The following COLEC11 variants were observed in gnomAD, a reference collection of about 807,000 sequenced individuals.
COLEC11 encodes collectin-11.
COLEC11 carries 20 observed loss-of-function variants against 27.3 expected under a neutral mutation model. That is an observed-to-expected ratio of 0.73 (90% confidence interval 0.51 to 1.06). The LOEUF (loss-of-function observed/expected upper bound fraction) is 1.06, where lower values mean the gene tolerates loss of function less well. Ranked by LOEUF, COLEC11 falls within the 50% of genes least tolerant of loss-of-function variation. The pLI is 0.00. For synonymous variants in COLEC11, 163 were observed against 154.7 expected, an observed-to-expected ratio of 1.05 and a Z score of -0.40; for missense variants, 310 against 383.0, an observed-to-expected ratio of 0.81 and a Z score of 1.59.
At chr2:3,621,616 C>T (rs1324325406) in intron 3 of COLEC11, among the ~76,000 whole-genome samples, 2 of 152,022 alleles carry the variant, frequency 1.3e-5, no homozygotes, top group East Asian at 3.9e-4. Context: ...CCTTTGTTTC[C>T]TTCTTCCTCT....
chr2:3,618,023 A>G (rs561637991), intron 3 of COLEC11, among the ~76,000 whole-genome samples: 1 of 152,170 alleles, frequency 6.6e-6, no homozygotes, highest in Non-Finnish European at 1.5e-5. Flanking sequence ...TTCTTTGCCC[A>G]TTTTTAAATT....
intron 2 of COLEC11, chr2:3,606,353 G>C: frequency 6.4e-6 from 6 of 940,658 alleles, no homozygotes; most frequent in African/African-American, 1.6e-5. Flanking sequence ...CCACGTCCTG[G>C]GTCCCCTGGA....
chr2:3,631,089 G>A (rs536495669), intron 3 of COLEC11, among the ~76,000 whole-genome samples: 2 of 152,210 alleles, frequency 1.3e-5, no homozygotes, highest in East Asian at 3.9e-4. Flanking sequence ...AAATTAGCCA[G>A]ACATGGTGGT....
At chr2:3,627,521 A>G (rs1288731473) in intron 3 of COLEC11, among the ~76,000 whole-genome samples, 1 of 147,478 alleles carries the variant, frequency 6.8e-6, no homozygotes, top group African/African-American at 2.5e-5. Flanking sequence ...TAATAACGGT[A>G]GATCGGGGCA....
chr2:3,621,937 G>T (rs1188528896), intron 3 of COLEC11, among the ~76,000 whole-genome samples: 2 of 152,052 alleles, frequency 1.3e-5, no homozygotes, highest in African/African-American at 4.8e-5. Context: ...CTGGCACTTT[G>T]GGAGGCTGAG....
intron 1 of COLEC11, chr2:3,603,595 G>A (rs1159890496): frequency 3.2e-6 from 5 of 1,545,866 alleles, no homozygotes; most frequent in Admixed American, 2.0e-5. Context: ...GGAATTACAG[G>A]TGTGAGCCAC....
chr2:3,643,670 C>G, intron 6 of COLEC11, 57 bp from the exon 7 acceptor site: 4 of 1,612,368 alleles, frequency 2.5e-6, no homozygotes, highest in Non-Finnish European at 3.4e-6. Context: ...GTGGCTGTGC[C>G]TTAAGTTTGT....
chr2:3,608,813 C>T (rs971808518), intron 2 of COLEC11, among the ~76,000 whole-genome samples: 2 of 152,240 alleles, frequency 1.3e-5, no homozygotes, highest in Admixed American at 6.5e-5. Context: ...GCAGCCCCGC[C>T]GTGGATGGGA....
intron 2 of COLEC11, among the ~76,000 whole-genome samples, chr2:3,607,517 G>A (rs1662827266): frequency 7.2e-6 from 1 of 139,558 alleles, no homozygotes; most frequent in South Asian, 2.4e-4. Context: ...GTGCGACCTT[G>A]GCTCACTGCA....
chr2:3,601,808 C>T (rs1357939393), intron 1 of COLEC11: 1 of 152,334 alleles, frequency 6.6e-6, no homozygotes, highest in Non-Finnish European at 1.5e-5. Flanking sequence ...ACCCTTGCCT[C>T]AGTGGAAACG....
intron 2 of COLEC11, 41 bp downstream of exon 2, chr2:3,604,511 C>T (rs760403420): frequency 6.2e-7 from 1 of 1,608,810 alleles, no homozygotes; most frequent in Admixed American, 1.7e-5. Flanking sequence ...GCAGTGGCCT[C>T]CGGGCCAGCT....
chr2:3,619,903 A>G (rs150650307), intron 3 of COLEC11, among the ~76,000 whole-genome samples: 3,596 of 152,234 alleles, frequency 0.024, 143 homozygotes, highest in African/African-American at 0.08. Context: ...TGGGATTACA[A>G]GCATGAGCCA....
At chr2:3,639,303 G>A (rs1484635195) in intron 4 of COLEC11, among the ~76,000 whole-genome samples, 1 of 152,234 alleles carries the variant, frequency 6.6e-6, no homozygotes, top group African/African-American at 2.4e-5. Flanking sequence ...TTTACCATGC[G>A]GTGTGTGCTC....
chr2:3,632,050 G>A (rs1042698662), intron 3 of COLEC11, among the ~76,000 whole-genome samples: 7 of 152,180 alleles, frequency 4.6e-5, no homozygotes, highest in South Asian at 2.1e-4. Context: ...TGAAATCCAC[G>A]CCATCAGTGT....
chr2:3,616,131 T>C (rs1298384512), intron 3 of COLEC11, among the ~76,000 whole-genome samples: 1,731 of 137,552 alleles, frequency 0.013, 51 homozygotes, highest in African/African-American at 0.047. Context: ...GGGTCGTGGC[T>C]GGGCAGAGGC....
rs372227989 is a variant in COLEC11 at position 3,604,376 on chromosome 2, C to T, written c.36C>T (p.Ile12=). The change falls in exon 2 of 7, where the codon ATC becomes ATT. Residue 12 remains isoleucine, a synonymous_variant. Transcript: ENST00000349077. ...ATCTGGCCCTGGTGGGCGTTCTAAT[C>T]AGCCTGGCCTTCCTGTCACTGCTGC... ...RGNLALVGVL[I]SLAFLSLLPS... 17 of 1,614,130 alleles carry T rather than the reference C, an allele frequency of 1.1e-5. No individual in the cohort carries two copies. The highest frequency in any genetic ancestry group is 1.4e-5 in the Non-Finnish European group (16 of 1,180,058).
chr2:3,636,128 A>G (rs6705983), intron 3 of COLEC11, among the ~76,000 whole-genome samples: 123,070 of 152,164 alleles, frequency 0.81, 50,012 homozygotes, highest in East Asian at 0.89. Context: ...GCGTCACTGC[A>G]GGACAGAGTG....
chr2:3,615,456 G>A (rs1663598440), intron 3 of COLEC11, among the ~76,000 whole-genome samples: 1 of 152,218 alleles, frequency 6.6e-6, no homozygotes, highest in African/African-American at 2.4e-5. Flanking sequence ...GGGGTTGGGG[G>A]TAAGGTCAAA....
At chr2:3,597,611 C>T (rs1286773559) in intron 1 of COLEC11, among the ~76,000 whole-genome samples, 1 of 152,092 alleles carries the variant, frequency 6.6e-6, no homozygotes, top group Non-Finnish European at 1.5e-5. Flanking sequence ...CTGGTTATAC[C>T]TGAACAGAAT....
Sources: allele counts gnomAD v4.1 joint callset (sites outside exome capture counted in the v4.1 genomes callset), GRCh38; gene constraint gnomAD v4.1.1; transcripts MANE v1.5; gene names NCBI Gene and HGNC (gene_info 2026-07-23, HGNC 2026-07-21).